The following POLN variants were observed in gnomAD, a reference collection of about 807,000 sequenced individuals.
POLN encodes the protein DNA polymerase nu.
A neutral mutation model predicts 113.5 loss-of-function variants in POLN; 108 were observed. The ratio of observed to expected loss-of-function variants is 0.95; its 90% CI spans 0.81 to 1.12. POLN has a LOEUF of 1.12. Among genes scored for constraint, POLN ranks in the 50% most tolerant of loss-of-function variants. The pLI, the probability that POLN is intolerant of heterozygous loss-of-function variation, is 0.00. For synonymous variants in POLN, 386 were observed against 391.5 expected (o/e 0.99, Z 0.17); for missense variants, 1,097 against 1,077.1 (o/e 1.02, Z -0.26).
At chr4:2,146,586 T>C (rs2108734292) in intron 16 of POLN, among the ~76,000 whole-genome samples, 1 of 152,218 alleles carries the variant, frequency 6.6e-6, no homozygotes, top group African/African-American at 2.4e-5. Flanking sequence ...TGTATTGGGC[T>C]CTATAGCTTG....
Position 2,157,925 on chromosome 4 carries a change from A to G in POLN, c.1612-14T>C. The G allele has an allele frequency of 3.8e-6, 6 of 1,591,660 alleles. No homozygotes were observed. The highest frequency in any genetic ancestry group is 5.2e-6 in the Non-Finnish European group (6 of 1,162,048). On this transcript the variant is annotated splice_polypyrimidine_tract_variant and intron_variant, in intron 14 of 25. Transcript: ENST00000511885. Reference sequence around the variant, plus strand: ...GATCTTGTGAACCTAAGGTGGAAAGACAAGAATAATCATTTTCTTTAAGTC... The same window carrying G: ...GATCTTGTGAACCTAAGGTGGAAAGGCAAGAATAATCATTTTCTTTAAGTC...
chr4:2,231,783 A>T (rs1008858823), intron 2 of POLN: 2 of 555,928 alleles, frequency 3.6e-6, no homozygotes, highest in Non-Finnish European at 6.4e-6. Context: ...ACATGAGAAA[A>T]AAGACAAATT....
intron 19 of POLN, among the ~76,000 whole-genome samples, chr4:2,111,332 G>C (rs1182206782): frequency 6.6e-6 from 1 of 151,594 alleles, no homozygotes; most frequent in African/African-American, 2.4e-5. Flanking sequence ...ACTGGCACAA[G>C]ACAGGGATGC....
intron 16 of POLN, among the ~76,000 whole-genome samples, chr4:2,148,837 A>T (rs1177919869): frequency 6.6e-6 from 1 of 152,224 alleles, no homozygotes; most frequent in African/African-American, 2.4e-5. Flanking sequence ...AGCAGTAAAG[A>T]AAAAAGACAC....
intron 7 of POLN, among the ~76,000 whole-genome samples, chr4:2,181,981 C>A (rs1382586547): frequency 7.0e-6 from 1 of 142,008 alleles, no homozygotes; most frequent in Admixed American, 7.2e-5. Flanking sequence ...GCCTGGGCAA[C>A]AGAGTGAGAC....
chr4:2,240,573 A>G (rs1233300729), intron 2 of POLN: 2 of 1,612,986 alleles, frequency 1.2e-6, no homozygotes, highest in Admixed American at 3.3e-5. Flanking sequence ...TGAAGCCATC[A>G]ATTGACATTT....
chr4:2,151,722 C>T (rs1732300310), intron 16 of POLN, among the ~76,000 whole-genome samples: 1 of 152,186 alleles, frequency 6.6e-6, no homozygotes, highest in Admixed American at 6.5e-5. Context: ...CAGGAGGAGT[C>T]CATGCTGTGT....
chr4:2,201,845 C>A (rs1397741945), intron 5 of POLN, among the ~76,000 whole-genome samples: 1 of 152,172 alleles, frequency 6.6e-6, no homozygotes, highest in African/African-American at 2.4e-5. Flanking sequence ...AGATTAACAG[C>A]AGAAACCCTC....
chr4:2,110,660 G>A (rs1322405843), intron 19 of POLN, among the ~76,000 whole-genome samples: 1 of 152,072 alleles, frequency 6.6e-6, no homozygotes, highest in Non-Finnish European at 1.5e-5. Flanking sequence ...TAAATTCCTC[G>A]ACACATACAC....
rs960660479 is a variant in POLN at position 2,136,519 on chromosome 4, G to A, written c.1732-5229C>T. ...GAACTTGGTATGTTTTTGCAAATAA[G>A]AGAACTGATCTAAAAAAATTGAATG... On this transcript the variant is annotated intron_variant, in intron 16 of 25. Transcript: ENST00000511885. 1.4e-4 allele frequency among the ~76,000 whole-genome samples: 21 copies of A among 152,246 alleles called. 1 individual carries two copies. Among genetic ancestry groups the A allele is most frequent in the Admixed American group, 1.2e-3 (19 of 15,292 alleles).
At position 2,145,404 on chromosome 4, in the gene POLN, A is replaced by T. The variant is rs77272315; in HGVS notation, c.1731+11384T>A. On this transcript the variant is annotated intron_variant, in intron 16 of 25. Coordinates refer to ENST00000511885, the MANE Select transcript of POLN (RefSeq NM_181808.4). Reference sequence around the variant, plus strand: ...CAGACTGGGAGAAGATAATTATATAAGGGCACAAAAGACTAGTATTCATAA... The same window carrying T: ...CAGACTGGGAGAAGATAATTATATATGGGCACAAAAGACTAGTATTCATAA... Among the ~76,000 whole-genome samples the T allele has an allele frequency of 2.2e-3, 330 of 152,312 alleles. 1 individual carries two copies. Among genetic ancestry groups the T allele is most frequent in the African/African-American group, 7.5e-3 (312 of 41,576 alleles).
At chr4:2,084,510 G>A (rs1369602321) in intron 21 of POLN, among the ~76,000 whole-genome samples, 1 of 152,212 alleles carries the variant, frequency 6.6e-6, no homozygotes, top group Non-Finnish European at 1.5e-5. Flanking sequence ...TTGTGTCTCA[G>A]GCGCTGTGGA....
chr4:2,075,379 T>C (rs996861133), intron 24 of POLN, 73 bp downstream of exon 24: 1 of 1,499,572 alleles, frequency 6.7e-7, no homozygotes, highest in Admixed American at 1.7e-5. Context: ...TTTCCTGGGC[T>C]GTGCCCATGG....
At chr4:2,188,081 A>G (rs1435941701) in intron 7 of POLN, among the ~76,000 whole-genome samples, 1 of 152,200 alleles carries the variant, frequency 6.6e-6, no homozygotes, top group East Asian at 1.9e-4. Flanking sequence ...ACACCACTGC[A>G]TTCCAGCCTG....
intron 6 of POLN, among the ~76,000 whole-genome samples, chr4:2,197,737 A>G (rs543571482): frequency 1.3e-5 from 2 of 152,306 alleles, no homozygotes; most frequent in Non-Finnish European, 2.9e-5. Context: ...CTTCTCCCCA[A>G]AAGTTACCTA....
chr4:2,178,793 G>A (rs1201633700), intron 8 of POLN, among the ~76,000 whole-genome samples: 1 of 152,124 alleles, frequency 6.6e-6, no homozygotes, highest in Non-Finnish European at 1.5e-5. Context: ...TATATTTTTA[G>A]TAGAGACAGG....
At position 2,095,953 on chromosome 4, in the gene POLN, G is replaced by A. The variant is rs1466371617; in HGVS notation, c.1983-20C>T. On this transcript the variant is annotated intron_variant, in intron 19 of 25. Transcript: ENST00000511885. ...TCCTTCCTGCATGGAGAGACCATGTGTGAAGTTCAGGCACAGAAGGCACTG... is the reference window on the plus strand; with the variant it reads ...TCCTTCCTGCATGGAGAGACCATGTATGAAGTTCAGGCACAGAAGGCACTG... 20 of 1,610,784 alleles carry A rather than the reference G, an allele frequency of 1.2e-5. No individual in the cohort carries two copies. In the South Asian group the frequency reaches 1.4e-4, roughly 12 times the overall value.
Position 2,083,315 on chromosome 4 carries a change from C to T in POLN, c.2198-1572G>A, listed in dbSNP as rs1192793913. Among the ~76,000 whole-genome samples, 3 of 152,254 alleles carry T rather than the reference C, an allele frequency of 2.0e-5. No homozygotes were observed. The East Asian group carries it at 5.8e-4, about 29-fold the overall frequency. ...CCACTCATCCAGACCACTCTGCAGTCTGCGTGGCTCCCCCTCCACACGTGG... is the reference window on the plus strand; with the variant it reads ...CCACTCATCCAGACCACTCTGCAGTTTGCGTGGCTCCCCCTCCACACGTGG... On this transcript the variant is annotated intron_variant, in intron 21 of 25. Coordinates refer to ENST00000511885, the MANE Select transcript of POLN (RefSeq NM_181808.4).
In POLN at chr4:2,093,599, C is replaced by T. The variant is rs1172880430; in HGVS notation, c.2065+2252G>A. On this transcript the variant is annotated intron_variant, in intron 20 of 25. Transcript: ENST00000511885. This position sits in a 1 kb window ranked among gnomAD's most constrained non-coding sequence, Gnocchi z 4.1. Reference sequence around the variant, plus strand: ...GCAGAAGCAAATGTTATGTTTGCAACACAAGATGCAGCAGGATGCAAGGCA... The same window carrying T: ...GCAGAAGCAAATGTTATGTTTGCAATACAAGATGCAGCAGGATGCAAGGCA... Among the ~76,000 whole-genome samples the T allele has an allele frequency of 6.6e-6, 1 of 152,160 alleles. No homozygotes were observed. The highest frequency in any genetic ancestry group is 1.5e-5 in the Non-Finnish European group (1 of 68,036).
Sources: allele counts gnomAD v4.1 joint callset (sites outside exome capture counted in the v4.1 genomes callset), GRCh38; gene constraint gnomAD v4.1.1; non-coding constraint Gnocchi (gnomAD v3.1); transcripts MANE v1.5; gene names NCBI Gene and HGNC (gene_info 2026-07-23, HGNC 2026-07-21).